Variants in SGK1 observed in about 807,000 individuals in gnomAD.
SGK1 encodes the protein serine/threonine-protein kinase Sgk1.
Under a neutral mutation model 64.2 loss-of-function variants are expected in SGK1, and 26 were observed. The observed-to-expected ratio is 0.40, with a 90% CI of 0.30 to 0.56. The LOEUF is 0.56. SGK1 is among the 20% of genes least tolerant of loss of function. The probability of loss-of-function intolerance (pLI) is 0.38; values close to 1 mark genes in which losing one functional copy is unlikely to be tolerated. For missense variants in SGK1, 519 were observed against 645.6 expected (o/e 0.80, Z 2.12); for synonymous variants, 265 against 239.7 (o/e 1.11, Z -0.98).
chr6:134,284,806 A>G lies in SGK1; in HGVS notation c.70-22658T>C, dbSNP rs183329851. On this transcript the variant is annotated intron_variant, in intron 1 of 13. Coordinates refer to ENST00000367858, the MANE Select transcript of SGK1 (RefSeq NM_001143676.3). ...GCCAATATTTGGTTTTCCATTCCCG[A>G]GTTATTTCACTTAGAATAATGGCCT... 2.9e-3 allele frequency among the ~76,000 whole-genome samples: 448 copies of G among 152,106 alleles called. 3 individuals carry two copies. The highest frequency in any genetic ancestry group is 8.3e-3 in the African/African-American group (345 of 41,506).
intron 3 of SGK1, among the ~76,000 whole-genome samples, chr6:134,187,279 G>A (rs1775440317): frequency 6.6e-6 from 1 of 152,144 alleles, no homozygotes; most frequent in South Asian, 2.1e-4. Context: ...CCAGTTCAAT[G>A]GAATCATTGT....
intron 1 of SGK1, among the ~76,000 whole-genome samples, chr6:134,300,298 G>A (rs979120503): frequency 2.6e-5 from 4 of 151,732 alleles, no homozygotes; most frequent in African/African-American, 9.7e-5. Flanking sequence ...CAGCACTTTG[G>A]GAGGCCGAGA....
At chr6:134,312,917 C>A (rs117452905) in intron 1 of SGK1, among the ~76,000 whole-genome samples, 6 of 152,032 alleles carry the variant, frequency 3.9e-5, no homozygotes, top group African/African-American at 1.4e-4. Context: ...GGATTATGGG[C>A]GCCTGCCATC....
In SGK1 at chr6:134,306,188, C is replaced by T. The variant is rs369620291; in HGVS notation, c.69+11204G>A. 2.0e-5 allele frequency among the ~76,000 whole-genome samples: 3 copies of T among 152,048 alleles called. 1 individual carries two copies. The highest frequency in any genetic ancestry group is 4.1e-4 in the South Asian group (2 of 4,826). ...CTGTAATCTCAGCACTTTGGGAGGC[C>T]GAGGTGGGTGGATCACCTGAGGTCA... On this transcript the variant is annotated intron_variant, in intron 1 of 13. Transcript: ENST00000367858.
At chr6:134,256,088 C>CTTTTTTTTTTT (rs68106923) in intron 2 of SGK1, among the ~76,000 whole-genome samples, 1 of 139,230 alleles carries the variant, frequency 7.2e-6, no homozygotes, top group Non-Finnish European at 1.5e-5. Context: ...GTCCTTTTTC[C>CTTTTTTTTTTT]TTTTTTTTTT....
intron 1 of SGK1, among the ~76,000 whole-genome samples, chr6:134,296,444 T>C (rs1408267126): frequency 6.6e-6 from 1 of 152,124 alleles, no homozygotes; most frequent in Non-Finnish European, 1.5e-5. Flanking sequence ...GCTAACTTTT[T>C]CATTTTTTGT....
At chr6:134,189,459 A>T (rs1469547687) in intron 3 of SGK1, among the ~76,000 whole-genome samples, 1 of 152,170 alleles carries the variant, frequency 6.6e-6, no homozygotes, top group Non-Finnish European at 1.5e-5. Flanking sequence ...CTACATAAAC[A>T]TGGTTACTTC....
At chr6:134,258,480 G>T (rs544651308) in intron 2 of SGK1, among the ~76,000 whole-genome samples, 1 of 152,258 alleles carries the variant, frequency 6.6e-6, no homozygotes, top group South Asian at 2.1e-4. Context: ...CGAGGCAGGC[G>T]AATCACCTGA....
Position 134,170,202 on chromosome 6 carries a change from C to T in SGK1, c.*66G>A. The T allele has an allele frequency of 4.2e-6, 6 of 1,430,060 alleles. No individual in the cohort carries two copies. Among genetic ancestry groups the T allele is most frequent in the Non-Finnish European group, 5.7e-6 (6 of 1,046,098 alleles). The allele number at this position is 1,430,060 out of a possible 1,614,324, so 88.6% of individuals were successfully genotyped here. ...GATGTCCTGTCAGCTGGCGGCTCCA[C>T]CAAAAGGCTAACTAAAACATTCGGA... On this transcript the variant is annotated 3_prime_UTR_variant, in exon 14 of 14. Coordinates refer to ENST00000367858, the MANE Select transcript of SGK1 (RefSeq NM_001143676.3).
intron 4 of SGK1, 188 bp from the exon 5 acceptor site, chr6:134,174,268 G>A: frequency 1.7e-6 from 1 of 605,194 alleles, no homozygotes; most frequent in Non-Finnish European, 2.9e-6. Context: ...AAGGATTGTT[G>A]CTCATGGAGA....
At chr6:134,223,595 G>A (rs1763500) in intron 2 of SGK1, among the ~76,000 whole-genome samples, 137,086 of 152,238 alleles carry the variant, frequency 0.9, 62,190 homozygotes, top group East Asian at 1. Context: ...GCGAGGTTCT[G>A]GGAAAAATGT....
chr6:134,174,232 T>A (rs181538650), intron 4 of SGK1, 152 bp from the exon 5 acceptor site: 1 of 621,472 alleles, frequency 1.6e-6, no homozygotes, highest in East Asian at 2.8e-5. Flanking sequence ...TTAAAGAAAA[T>A]AATAAACCCC....
rs143094374 is a variant in SGK1 at position 134,272,612 on chromosome 6, C to T, written c.70-10464G>A. The stretch of plus-strand genomic sequence containing the variant: ...ACACCCACAAACTCTTCCTTTTTCC[C>T]GCAGCCACCTTTCACCACCACCCAA... On this transcript the variant is annotated intron_variant, in intron 1 of 13. Transcript: ENST00000367858. Among the ~76,000 whole-genome samples, 252 of 147,592 alleles carry T rather than the reference C, an allele frequency of 1.7e-3. 5 individuals carry two copies. Among genetic ancestry groups the T allele is most frequent in the African/African-American group, 5.7e-3 (236 of 41,168 alleles).
At chr6:134,218,994 T>C (rs1260953703) in intron 2 of SGK1, among the ~76,000 whole-genome samples, 1 of 151,952 alleles carries the variant, frequency 6.6e-6, no homozygotes, top group Non-Finnish European at 1.5e-5. Context: ...TTTTTGTTTT[T>C]GTTTTTGTGA....
At position 134,309,343 on chromosome 6, in the gene SGK1, T is replaced by G. The variant is rs541389564; in HGVS notation, c.69+8049A>C. On this transcript the variant is annotated intron_variant, in intron 1 of 13. Coordinates refer to ENST00000367858, the MANE Select transcript of SGK1 (RefSeq NM_001143676.3). ...CAACGCAGCACCGAACTTGCCTTACTGTCTGCTTTTCCTGTCCTCCTCCTC... is the reference window on the plus strand; with the variant it reads ...CAACGCAGCACCGAACTTGCCTTACGGTCTGCTTTTCCTGTCCTCCTCCTC... 2.0e-5 allele frequency among the ~76,000 whole-genome samples: 3 copies of G among 152,362 alleles called. No individual in the cohort carries two copies. In the East Asian group the frequency reaches 5.8e-4, roughly 29 times the overall value.
At chr6:134,248,564 G>T (rs900941136) in intron 2 of SGK1, among the ~76,000 whole-genome samples, 2 of 149,064 alleles carry the variant, frequency 1.3e-5, no homozygotes, top group Non-Finnish European at 3.0e-5. Flanking sequence ...TGGTTCTCCT[G>T]CCTCAGCCTC....
intron 1 of SGK1, among the ~76,000 whole-genome samples, chr6:134,271,144 C>T (rs1776934650): frequency 1.5e-5 from 2 of 130,882 alleles, no homozygotes; most frequent in African/African-American, 5.0e-5. Flanking sequence ...TATAGTGAAA[C>T]TCCATCTCTA....
chr6:134,192,324 G>T (rs954432368), intron 3 of SGK1, among the ~76,000 whole-genome samples: 1 of 152,212 alleles, frequency 6.6e-6, no homozygotes, highest in East Asian at 1.9e-4. Flanking sequence ...TAAGAGGAAA[G>T]GTCAGGATTT....
In SGK1 at chr6:134,261,975, C is replaced by A. The variant is rs1290507862; in HGVS notation, c.243G>T (p.Gln81His). 6.2e-7 allele frequency: 1 copy of A among 1,613,782 alleles called. No homozygotes were observed. The highest frequency in any genetic ancestry group is 8.5e-7 in the Non-Finnish European group (1 of 1,179,804). ...TTTCCCATGAACATGACTCGTTCTC[C>A]TGAGGGAGAACCCCTCTTTGGAAAG... ...EHAFQRGVLP[Q>H]ENESCSWETQ... Residue 81 changes from glutamine to histidine, a missense_variant, in exon 2 of 14, where the codon CAG becomes CAT. This residue lies in a region of SGK1 where 241 missense variants were observed against 236.9 expected (regional missense o/e 1.02). Coordinates refer to ENST00000367858, the MANE Select transcript of SGK1 (RefSeq NM_001143676.3).
Sources: gnomAD v4.1 joint callset for allele counts (sites outside exome capture counted in the v4.1 genomes callset) on GRCh38, gnomAD v4.1.1 for gene constraint, gnomAD v4.1.1 regional missense constraint, MANE v1.5 for transcripts, NCBI Gene and HGNC (gene_info 2026-07-23, HGNC 2026-07-21) for gene names.